MTMR6: variants seen among roughly 807,000 people sequenced by gnomAD.
MTMR6 encodes myotubularin related protein 6.
Under a neutral mutation model 80.1 loss-of-function variants are expected in MTMR6, and 47 were observed. That is an observed-to-expected ratio of 0.59 (90% CI 0.46 to 0.75). The LOEUF (loss-of-function observed/expected upper bound fraction) is 0.75, where lower values mean the gene tolerates loss of function less well. Among genes scored for constraint, MTMR6 ranks in the 30% least tolerant of loss-of-function variants. The pLI is 0.00. For synonymous variants in MTMR6, 254 were observed against 253.0 expected (o/e 1.00, Z -0.04); for missense variants, 629 against 730.9 (o/e 0.86, Z 1.61).
chr13:25,256,219 C>T (rs1440428746), intron 9 of MTMR6, among the ~76,000 whole-genome samples: 33 of 152,240 alleles, frequency 2.2e-4, no homozygotes, highest in Admixed American at 2.1e-3. Flanking sequence ...CTTTGATTTA[C>T]ACTGTTCCTA....
chr13:25,276,879 G>A (rs1167134335), intron 1 of MTMR6, among the ~76,000 whole-genome samples: 1 of 152,182 alleles, frequency 6.6e-6, no homozygotes, highest in African/African-American at 2.4e-5. Context: ...CACAACTCCT[G>A]TGTAGTATGT....
At chr13:25,259,567 GT>G (rs1443059615) in intron 6 of MTMR6, among the ~76,000 whole-genome samples, 1 of 152,108 alleles carries the variant, frequency 6.6e-6, no homozygotes, top group African/African-American at 2.4e-5. Flanking sequence ...AAAATCTACA[GT>G]TAGATGTTAA....
At chr13:25,255,349 T>C (rs1053212754) in intron 9 of MTMR6, among the ~76,000 whole-genome samples, 2 of 152,234 alleles carry the variant, frequency 1.3e-5, no homozygotes, top group Non-Finnish European at 2.9e-5. Flanking sequence ...CAAAACCATG[T>C]TTAAAGCATA....
At position 25,287,236 on chromosome 13, in the gene MTMR6, G is replaced by A; in HGVS notation, c.12C>T (p.Ile4=). The part of the protein sequence containing the change: MEH[I]RTTKVEQVKL... ...CGCGCCCGACTACCTTGGTCGTCCG[G>A]ATATGCTCCATCGCAAGGAGACGTC... is the stretch of plus-strand genomic sequence containing the variant. The change falls in exon 1 of 14, where the codon ATC becomes ATT. Residue 4 remains isoleucine, a synonymous_variant. Transcript: ENST00000381801. The A allele has an allele frequency of 1.9e-6, 3 of 1,598,082 alleles. No homozygotes were observed. Among genetic ancestry groups the A allele is most frequent in the Non-Finnish European group, 2.6e-6 (3 of 1,174,802 alleles).
chr13:25,272,701 CG>C (rs1261651617), intron 2 of MTMR6, among the ~76,000 whole-genome samples: 2 of 152,148 alleles, frequency 1.3e-5, no homozygotes, highest in African/African-American at 4.8e-5. Flanking sequence ...ACGCAGTATA[CG>C]GTTTTTTGTT....
Position 25,287,305 on chromosome 13 carries a change from CAG to C in MTMR6, c.-60_-59del. Reference sequence around the variant, plus strand: ...CAGGCGTACCATACGGCTACAGAAACAGGGCGGTGACAGCGACAGAGAGCAAG... The same window carrying C: ...CAGGCGTACCATACGGCTACAGAAACGGCGGTGACAGCGACAGAGAGCAAG... On this transcript the variant is annotated 5_prime_UTR_variant, in exon 1 of 14. Coordinates refer to ENST00000381801, the MANE Select transcript of MTMR6 (RefSeq NM_004685.5). 1 of 1,559,108 alleles carries C rather than the reference CAG, an allele frequency of 6.4e-7. No individual in the cohort carries two copies. Among genetic ancestry groups the C allele is most frequent in the South Asian group, 1.2e-5 (1 of 85,330 alleles).
chr13:25,274,625 A>G (rs1360861356), intron 1 of MTMR6, among the ~76,000 whole-genome samples: 1 of 152,162 alleles, frequency 6.6e-6, no homozygotes, highest in Non-Finnish European at 1.5e-5. Flanking sequence ...CTTAGTCTCT[A>G]TATTCTCTTC....
At position 25,253,851 on chromosome 13, in the gene MTMR6, G is replaced by A. The variant is rs1258038397; in HGVS notation, c.1259C>T (p.Ala420Val). ...QFPQAFEFSE[A>V]FLLQIHEHIH... is the part of the protein sequence containing the mutation. ...ATGCTCATGGATCTGAAGAAGAAAT[G>A]CTTCACTGAATTCAAAGGCTTGTGG... Residue 420 changes from alanine (A) to valine (V), a missense_variant, in exon 11 of 14, where the codon GCA becomes GTA. Transcript: ENST00000381801. 2 of 1,613,958 alleles carry A rather than the reference G, an allele frequency of 1.2e-6. No individual in the cohort carries two copies. The highest frequency in any genetic ancestry group is 1.3e-5 in the African/African-American group (1 of 74,902).
At chr13:25,279,907 G>C (rs1380879688) in intron 1 of MTMR6, among the ~76,000 whole-genome samples, 1 of 152,182 alleles carries the variant, frequency 6.6e-6, no homozygotes, top group Non-Finnish European at 1.5e-5. Flanking sequence ...AGGTTTTTAA[G>C]CACAGTAGTC....
intron 2 of MTMR6, among the ~76,000 whole-genome samples, chr13:25,271,472 C>T (rs566801609): frequency 6.6e-6 from 1 of 152,206 alleles, no homozygotes; most frequent in Non-Finnish European, 1.5e-5. Flanking sequence ...CTACTCTACA[C>T]TGCCTGTGTA....
rs755074192 is a variant in MTMR6, at chr13:25,266,170, T to G, written c.421A>C (p.Asn141His). The G allele has an allele frequency of 1.5e-5, 25 of 1,613,952 alleles. No individual in the cohort carries two copies. The highest frequency in any genetic ancestry group is 2.1e-5 in the Non-Finnish European group (25 of 1,180,012). ...AEEYKRMGVP[N>H]SHWQLSDANR... ...GCATCAGACAACTGCCAGTGTGAGT[T>G]TGGCACTCCCATCCTCTTATATTCC... Residue 141 changes from asparagine (N) to histidine (H), a missense_variant, in exon 4 of 14, where the codon AAC (asparagine) becomes CAC (histidine). Physicochemically the swap from Asn to His is moderately conservative, Grantham distance 68. Coordinates refer to ENST00000381801, the MANE Select transcript of MTMR6 (RefSeq NM_004685.5).
chr13:25,282,315 G>A (rs1254551026), intron 1 of MTMR6, among the ~76,000 whole-genome samples: 1 of 152,032 alleles, frequency 6.6e-6, no homozygotes, highest in Non-Finnish European at 1.5e-5. Context: ...TCAGAGCCCT[G>A]GCTTGCTTTA....
rs1957005306 is a variant in MTMR6 at position 25,247,611 on chromosome 13, C to T, written c.*1621G>A. Reference sequence around the variant, plus strand: ...GTCACAGAGATTAAGTTTCCATTCCCAGTGCTTAAATATGGAAGCAGGATT... The same window carrying T: ...GTCACAGAGATTAAGTTTCCATTCCTAGTGCTTAAATATGGAAGCAGGATT... On this transcript the variant is annotated 3_prime_UTR_variant, in exon 14 of 14. Transcript: ENST00000381801. 1 of 152,170 alleles carries T rather than the reference C, an allele frequency of 6.6e-6. No homozygotes were observed. The highest frequency in any genetic ancestry group is 6.5e-5 in the Admixed American group (1 of 15,272). 9.4% of individuals were successfully genotyped at this position (152,170 alleles called of 1,614,324 possible).
At chr13:25,255,390 T>TAG (rs1957178765) in intron 9 of MTMR6, among the ~76,000 whole-genome samples, 1 of 152,250 alleles carries the variant, frequency 6.6e-6, no homozygotes, top group East Asian at 1.9e-4. Context: ...AATGTATTCT[T>TAG]TGGCTTATCT....
intron 1 of MTMR6, among the ~76,000 whole-genome samples, chr13:25,275,919 A>C: frequency 8.2e-6 from 1 of 122,228 alleles, no homozygotes; most frequent in East Asian, 2.7e-4. Context: ...AGAGGAGGGG[A>C]GGGGAGAGGA....
chr13:25,266,925 GGGAA>G (rs1352999576), intron 3 of MTMR6, among the ~76,000 whole-genome samples: 1 of 152,122 alleles, frequency 6.6e-6, no homozygotes, highest in Admixed American at 6.6e-5. Context: ...GTCATGTTTG[GGGAA>G]GGAAGTCACC....
chr13:25,269,433 A>T (rs192685860), intron 2 of MTMR6, among the ~76,000 whole-genome samples: 3 of 152,258 alleles, frequency 2.0e-5, no homozygotes, highest in Non-Finnish European at 4.4e-5. Context: ...ACCTACTACC[A>T]ATAATATTTT....
Position 25,274,059 on chromosome 13 carries a change from G to T in MTMR6, c.141+12C>A. ...TTATTATGATAAATAGTACAGCTGCGGTCCTCCTTACCCAGGTTTCTTTTT... is the reference window on the plus strand; with the variant it reads ...TTATTATGATAAATAGTACAGCTGCTGTCCTCCTTACCCAGGTTTCTTTTT... On this transcript the variant is annotated intron_variant, in intron 2 of 13. Coordinates refer to ENST00000381801, the MANE Select transcript of MTMR6 (RefSeq NM_004685.5). 7.0e-7 allele frequency: 1 copy of T among 1,430,314 alleles called. No homozygotes were observed. The highest frequency in any genetic ancestry group is 9.8e-7 in the Non-Finnish European group (1 of 1,021,530). The allele number at this position is 1,430,314 out of a possible 1,614,324, so 88.6% of individuals were successfully genotyped here. A position where few individuals can be genotyped will look rare whatever the true frequency, so the allele number is the denominator to read the frequency against.
chr13:25,269,844 T>G (rs533329227), intron 2 of MTMR6, among the ~76,000 whole-genome samples: 17 of 152,132 alleles, frequency 1.1e-4, no homozygotes, highest in Admixed American at 8.5e-4. Context: ...TATATAGTCC[T>G]TACGGCTAAG....
Sources: gnomAD v4.1 joint callset for allele counts (sites outside exome capture counted in the v4.1 genomes callset) on GRCh38, gnomAD v4.1.1 for gene constraint, MANE v1.5 for transcripts, NCBI Gene and HGNC (gene_info 2026-07-23, HGNC 2026-07-21) for gene names.